FOXM1: variants seen among roughly 807,000 people sequenced by gnomAD.
The protein encoded by FOXM1 is forkhead box protein M1.
FOXM1 carries 25 observed loss-of-function variants against 63.6 expected under a neutral mutation model. The observed-to-expected ratio is 0.39, with a 90% CI of 0.29 to 0.55. The LOEUF (loss-of-function observed/expected upper bound fraction) is 0.55. Ranked by LOEUF, FOXM1 falls within the 20% of genes least tolerant of loss-of-function variation. The pLI, the probability that FOXM1 is intolerant of heterozygous loss-of-function variation, is 0.60. For synonymous variants in FOXM1, 387 were observed against 376.9 expected, an observed-to-expected ratio of 1.03 and a Z score of -0.31; for missense variants, 879 against 958.7, an observed-to-expected ratio of 0.92 and a Z score of 1.10.
chr12:2,871,771 G>A (rs1045116976), intron 3 of FOXM1, among the ~76,000 whole-genome samples: 2 of 151,950 alleles, frequency 1.3e-5, no homozygotes, highest in African/African-American at 4.8e-5. Context: ...CATACTGTTG[G>A]GAAGCATCTT....
rs1603500409 is a variant in FOXM1, at chr12:2,864,766, A to G, written c.1021-14T>C. The stretch of plus-strand genomic sequence containing the variant: ...TCGTTTCTGCTGCTGCTTGTGGCAG[A>G]TGGGGAGAGAAAGAAACCTATGTTA... On this transcript the variant is annotated splice_polypyrimidine_tract_variant and intron_variant, in intron 6 of 8. Transcript: ENST00000359843. This position sits in a 1 kb window ranked among gnomAD's most constrained non-coding sequence, Gnocchi z 5.1. 3 of 1,613,956 alleles carry G rather than the reference A, an allele frequency of 1.9e-6. No individual in the cohort carries two copies. Among genetic ancestry groups the G allele is most frequent in the South Asian group, 2.2e-5 (2 of 91,056 alleles).
rs780607249 is a variant in FOXM1, at chr12:2,866,489, G to C, written c.879C>G (p.Asp293Glu). Residue 293 changes from aspartate to glutamate, a missense_variant, in exon 5 of 9, where the codon GAC becomes GAG. This residue lies in a region of FOXM1 where 62 missense variants were observed against 118.2 expected (regional missense o/e 0.52). Coordinates refer to ENST00000359843, the MANE Select transcript of FOXM1 (RefSeq NM_021953.4). ...NSIRHNLSLH[D>E]MFVRETSANG... ...TGGCAGACGTCTCCCGGACAAACAT[G>C]TCGTGCAGGGAAAGGTTGTGGCGGA... 13 of 1,574,980 alleles carry C rather than the reference G, an allele frequency of 8.3e-6. No homozygotes were observed. In the East Asian group the frequency reaches 2.9e-4, roughly 35 times the overall value.
intron 5 of FOXM1, 73 bp from the exon 6 acceptor site, chr12:2,865,472 G>A (rs1479286029): frequency 1.6e-6 from 2 of 1,261,430 alleles, no homozygotes; most frequent in African/African-American, 1.5e-5. Context: ...TGACCGGATT[G>A]GGAAAAACAC....
Position 2,858,922 on chromosome 12 carries a change from G to T in FOXM1, c.2008C>A (p.Leu670Ile). ...STTPLQSAPPLESPQRLLSSE... is the reference protein window; with the variant it reads ...STTPLQSAPPIESPQRLLSSE... ...CTGAGGAGCCTTTGCGGTGATTCAA[G>T]GGGGGGAGCACTTTGCAAGGGAGTG... is the stretch of plus-strand genomic sequence containing the variant. Residue 670 changes from leucine to isoleucine, a missense_variant, in exon 9 of 9, where the codon CTT (leucine) becomes ATT (isoleucine). Around this residue, in one of 4 missense-constraint regions of FOXM1, gnomAD observed 486 missense variants for 453.5 expected, o/e 1.07. Coordinates refer to ENST00000359843, the MANE Select transcript of FOXM1 (RefSeq NM_021953.4). The T allele has an allele frequency of 6.2e-7, 1 of 1,613,526 alleles. No homozygotes were observed. Among genetic ancestry groups the T allele is most frequent in the Non-Finnish European group, 8.5e-7 (1 of 1,179,860 alleles).
chr12:2,874,553 T>C lies in FOXM1; in HGVS notation c.-47-28A>G, dbSNP rs771652455. 3 of 1,456,488 alleles carry C rather than the reference T, an allele frequency of 2.1e-6. No individual in the cohort carries two copies. The highest frequency in any genetic ancestry group is 2.8e-6 in the Non-Finnish European group (3 of 1,085,192). 90.2% of individuals were successfully genotyped at this position (1,456,488 alleles called of 1,614,324 possible). A position where few individuals can be genotyped will look rare whatever the true frequency, so the allele number is the denominator to read the frequency against. On this transcript the variant is annotated intron_variant, in intron 1 of 8. Coordinates refer to ENST00000359843, the MANE Select transcript of FOXM1 (RefSeq NM_021953.4). The surrounding 1 kb of genome is among the most constrained non-coding windows in gnomAD (Gnocchi z 4.3). The stretch of plus-strand genomic sequence containing the variant: ...GGAAAATGCAAATAGTGGCAAGATG[T>C]TAGAGATTGTTTAGGCTGAGAAGAG...
chr12:2,874,988 A>ATTT lies in FOXM1; in HGVS notation c.-47-466_-47-464dup, dbSNP rs556937133. 3.8e-4 allele frequency among the ~76,000 whole-genome samples: 48 copies of ATTT among 127,124 alleles called. No individual in the cohort carries two copies. Among genetic ancestry groups the ATTT allele is most frequent in the South Asian group, 9.9e-4 (4 of 4,052 alleles). The allele number at this position is 127,124 out of a possible 152,430, so 83.4% of individuals were successfully genotyped here. On this transcript the variant is annotated intron_variant, in intron 1 of 8. Transcript: ENST00000359843. The surrounding 1 kb of genome is among the most constrained non-coding windows in gnomAD (Gnocchi z 4.3). ...AATCCATTCAAGACAAAGGATTTTA[A>ATTT]TTTTTTTTTTTTTTTTTTTTTTGAG...
At chr12:2,875,093 A>T (rs1206571333) in intron 1 of FOXM1, among the ~76,000 whole-genome samples, 2 of 151,124 alleles carry the variant, frequency 1.3e-5, no homozygotes, top group African/African-American at 4.9e-5. Context: ...CCTGGGTTTA[A>T]GCGAGTCCCA....
rs1603502065 is a variant in FOXM1, at chr12:2,874,427, G to A, written c.52C>T (p.Leu18Phe). The change falls in exon 2 of 9, where the codon CTT (leucine) becomes TTT (phenylalanine). Residue 18 changes from leucine (L) to phenylalanine (F), a missense_variant. Coordinates refer to ENST00000359843, the MANE Select transcript of FOXM1 (RefSeq NM_021953.4). The surrounding 1 kb of genome is among the most constrained non-coding windows in gnomAD (Gnocchi z 4.3). ...PLILKRRRLP[L>F]PVQNAPSETS... ...TCACTTGGGGCATTTTGAACAGGAA[G>A]GGGCAGCCTCCGTCTTTTGAGAATC... 2.5e-6 allele frequency: 4 copies of A among 1,613,924 alleles called. No homozygotes were observed. Among genetic ancestry groups the A allele is most frequent in the Non-Finnish European group, 3.4e-6 (4 of 1,179,920 alleles).
At chr12:2,860,461 T>A (rs771197203) in intron 8 of FOXM1, among the ~76,000 whole-genome samples, 2 of 151,984 alleles carry the variant, frequency 1.3e-5, no homozygotes, top group Non-Finnish European at 2.9e-5. Context: ...CACTCCAGAC[T>A]AGGCAACATA....
At chr12:2,865,328 C>T (rs751143528) in intron 6 of FOXM1, 27 bp downstream of exon 6, 18 of 1,598,578 alleles carry the variant, frequency 1.1e-5, no homozygotes, top group Admixed American at 1.7e-5. Context: ...CAAGGCCAAG[C>T]CCCGAGCCAG....
At position 2,864,421 on chromosome 12, in the gene FOXM1, G is replaced by A; in HGVS notation, c.1165C>T (p.Leu389=). The A allele has an allele frequency of 3.7e-6, 6 of 1,614,224 alleles. No homozygotes were observed. The highest frequency in any genetic ancestry group is 5.1e-6 in the Non-Finnish European group (6 of 1,180,026). The change falls in exon 8 of 9, where the codon CTG becomes TTG. Residue 389 remains leucine, a synonymous_variant. Coordinates refer to ENST00000359843, the MANE Select transcript of FOXM1 (RefSeq NM_021953.4). This position sits in a 1 kb window ranked among gnomAD's most constrained non-coding sequence, Gnocchi z 5.1. ...VPIQFPVNQS[L]VLQPSVKVPL... is the part of the protein sequence containing the mutation. The stretch of plus-strand genomic sequence containing the variant: ...ACCTTCACCGAGGGCTGCAACACCA[G>A]TGACTGGTTCACCGGGAACTGGATA...
At chr12:2,866,683 A>T (rs1157908853) in intron 4 of FOXM1, among the ~76,000 whole-genome samples, 162 bp from the exon 5 acceptor site, 1 of 152,192 alleles carries the variant, frequency 6.6e-6, no homozygotes, top group Non-Finnish European at 1.5e-5. Flanking sequence ...GACACTCCAC[A>T]CCGCAGAGCC....
intron 3 of FOXM1, among the ~76,000 whole-genome samples, chr12:2,870,921 G>T (rs1322153627): frequency 3.0e-5 from 4 of 131,696 alleles, no homozygotes. Flanking sequence ...TCGCAGCACT[G>T]CACTCCAGCC....
intron 4 of FOXM1, among the ~76,000 whole-genome samples, chr12:2,867,603 A>C (rs61200685): frequency 0.051 from 7,359 of 144,282 alleles, 586 homozygotes; most frequent in African/African-American, 0.18. Context: ...CGGAGCTTGC[A>C]GTGAGCCGAG....
At chr12:2,863,078 G>C (rs188903456) in intron 8 of FOXM1, among the ~76,000 whole-genome samples, 2 of 152,076 alleles carry the variant, frequency 1.3e-5, no homozygotes, top group African/African-American at 4.8e-5. Context: ...ACTCAAGCAG[G>C]GGTGATTCCC....
In FOXM1 at chr12:2,872,021, C is replaced by A. The variant is rs932882392; in HGVS notation, c.654+75G>T. ...ACTTGGAAATTCTGGTCCATCAGGC[C>A]ACTTGATCCATTTCCCTACCTAGGA... On this transcript the variant is annotated intron_variant, in intron 3 of 8. Transcript: ENST00000359843. The surrounding 1 kb of genome is among the most constrained non-coding windows in gnomAD (Gnocchi z 4.0). 1 of 1,492,826 alleles carries A rather than the reference C, an allele frequency of 6.7e-7. No homozygotes were observed. Among genetic ancestry groups the A allele is most frequent in the Non-Finnish European group, 9.3e-7 (1 of 1,071,364 alleles). The allele number at this position is 1,492,826 out of a possible 1,614,324, so 92.5% of individuals were successfully genotyped here.
intron 5 of FOXM1, among the ~76,000 whole-genome samples, chr12:2,866,151 G>A (rs932777284): frequency 2.0e-5 from 3 of 152,176 alleles, no homozygotes; most frequent in African/African-American, 7.2e-5. Flanking sequence ...ACTGCCCTGG[G>A]GAGCCCTTTC....
chr12:2,875,033 C>G (rs1321730581), intron 1 of FOXM1, among the ~76,000 whole-genome samples: 1 of 145,190 alleles, frequency 6.9e-6, no homozygotes, highest in African/African-American at 2.6e-5. Flanking sequence ...CACTTTGTCA[C>G]CCAGGCTGGA....
intron 5 of FOXM1, 43 bp from the exon 6 acceptor site, chr12:2,865,442 T>C: frequency 2.0e-6 from 3 of 1,533,726 alleles, no homozygotes; most frequent in Non-Finnish European, 2.7e-6. Flanking sequence ...GAGATGAAGT[T>C]ACCACCAACG....
Sources: gnomAD v4.1 joint callset for allele counts (sites outside exome capture counted in the v4.1 genomes callset) on GRCh38, gnomAD v4.1.1 for gene constraint, gnomAD v4.1.1 regional missense constraint, Gnocchi (gnomAD v3.1) non-coding constraint, MANE v1.5 for transcripts, NCBI Gene and HGNC (gene_info 2026-07-23, HGNC 2026-07-21) for gene names.